Variants in PPP2R3A observed in about 807,000 individuals in gnomAD.
PPP2R3A encodes the protein serine/threonine-protein phosphatase 2A regulatory subunit B'' subunit alpha.
Under a neutral mutation model 106.9 loss-of-function variants are expected in PPP2R3A, and 80 were observed. The observed-to-expected ratio is 0.75, with a 90% CI of 0.62 to 0.90. The LOEUF (loss-of-function observed/expected upper bound fraction) is 0.90. PPP2R3A is among the 40% of genes least tolerant of loss of function. The pLI, the probability that PPP2R3A is intolerant of heterozygous loss-of-function variation, is 0.00. For synonymous variants in PPP2R3A, 483 were observed against 468.3 expected (o/e 1.03, Z -0.41); for missense variants, 1,386 against 1,350.4 (o/e 1.03, Z -0.41).
rs561076266 is a variant in PPP2R3A, at chr3:136,001,381, G to T, written c.-118G>T. 87 of 898,942 alleles carry T rather than the reference G, an allele frequency of 9.7e-5. No individual in the cohort carries two copies. The Admixed American group carries it at 1.8e-3, about 18-fold the overall frequency. The allele number at this position is 898,942 out of a possible 1,614,324, so 55.7% of individuals were successfully genotyped here. A position where few individuals can be genotyped will look rare whatever the true frequency, so the allele number is the denominator to read the frequency against. ...CTTCATGGGAAAAGCCATTATATTTGGAAGAAACCACTGAACATTGTTATT... is the reference window on the plus strand; with the variant it reads ...CTTCATGGGAAAAGCCATTATATTTTGAAGAAACCACTGAACATTGTTATT... On this transcript the variant is annotated 5_prime_UTR_variant, in exon 2 of 14. An upstream open reading frame in the 5' UTR gains an earlier in-frame stop. Transcript: ENST00000264977.
At chr3:136,080,447 AG>A (rs1006598305) in intron 7 of PPP2R3A, among the ~76,000 whole-genome samples, 1 of 152,216 alleles carries the variant, frequency 6.6e-6, no homozygotes, top group African/African-American at 2.4e-5. Flanking sequence ...CCCTCCAAAA[AG>A]CCTGCACTAC....
In PPP2R3A at chr3:136,026,995, A is replaced by G; in HGVS notation, c.2159A>G (p.Asp720Gly). ...TTCTACTTTCCTGAAGGACTCCCAG[A>G]TACCTGTAGTAATCATGAACAAACT... ...PRFYFPEGLP[D>G]TCSNHEQTLS... is the part of the protein sequence containing the mutation. Residue 720 changes from aspartate to glycine, a missense_variant, in exon 3 of 14, where the codon GAT becomes GGT. Transcript: ENST00000264977. The G allele has an allele frequency of 6.2e-7, 1 of 1,612,918 alleles. No homozygotes were observed. Among genetic ancestry groups the G allele is most frequent in the Non-Finnish European group, 8.5e-7 (1 of 1,178,920 alleles).
chr3:136,046,128 G>T (rs1385172980), intron 4 of PPP2R3A, among the ~76,000 whole-genome samples: 2 of 151,888 alleles, frequency 1.3e-5, no homozygotes, highest in Non-Finnish European at 2.9e-5. Flanking sequence ...AGTGAGCTGT[G>T]TTCACGCCAT....
intron 1 of PPP2R3A, among the ~76,000 whole-genome samples, chr3:135,989,488 GT>G (rs1245064412): frequency 2.6e-5 from 4 of 151,314 alleles, no homozygotes; most frequent in South Asian, 2.1e-4. Flanking sequence ...CATTTATAGT[GT>G]GTGTTGGGTT....
At chr3:136,058,640 A>C (rs1335691592) in intron 5 of PPP2R3A, among the ~76,000 whole-genome samples, 2 of 152,196 alleles carry the variant, frequency 1.3e-5, no homozygotes, top group Non-Finnish European at 2.9e-5. Context: ...TCTTTACAGA[A>C]ATAGGAAATA....
chr3:135,974,826 G>A (rs1937366956), intron 1 of PPP2R3A, among the ~76,000 whole-genome samples: 1 of 152,204 alleles, frequency 6.6e-6, no homozygotes, highest in African/African-American at 2.4e-5. Context: ...AAAGCAGCTT[G>A]AAAACTGCTT....
chr3:136,037,106 A>G (rs1369345187), intron 3 of PPP2R3A, among the ~76,000 whole-genome samples: 1 of 152,208 alleles, frequency 6.6e-6, no homozygotes, highest in Non-Finnish European at 1.5e-5. Flanking sequence ...TATTTGGAAG[A>G]CCAGCTTGAG....
In PPP2R3A at chr3:136,001,520, G is replaced by A. The variant is rs1559860876; in HGVS notation, c.22G>A (p.Val8Met). Residue 8 changes from valine (V) to methionine (M), a missense_variant, in exon 2 of 14, where the codon GTG becomes ATG. Transcript: ENST00000264977. Reference protein sequence around the residue: MAATYRLVVSTVNHYSSV... With the variant: MAATYRLMVSTVNHYSSV... ...TATTATGGCAGCAACTTACAGACTT[G>A]TGGTTAGTACTGTGAACCACTACAG... is the stretch of plus-strand genomic sequence containing the variant. 5 of 1,613,406 alleles carry A rather than the reference G, an allele frequency of 3.1e-6. No individual in the cohort carries two copies. The highest frequency in any genetic ancestry group is 3.4e-6 in the Non-Finnish European group (4 of 1,179,602).
At position 136,122,039 on chromosome 3, in the gene PPP2R3A, T is replaced by C. The variant is rs139293225; in HGVS notation, c.3329+15717T>C. On this transcript the variant is annotated intron_variant, in intron 13 of 13. Coordinates refer to ENST00000264977, the MANE Select transcript of PPP2R3A (RefSeq NM_002718.5). ...AAAATCAAAAAAATACAAATTACGA[T>C]CTTTTTAGAACCAGACAATGAAAGT... Among the ~76,000 whole-genome samples, 313 of 152,280 alleles carry C rather than the reference T, an allele frequency of 2.1e-3. 2 individuals are homozygous for C. The highest frequency in any genetic ancestry group is 7.1e-3 in the African/African-American group (296 of 41,568).
chr3:136,086,542 T>C (rs576992173), intron 8 of PPP2R3A, among the ~76,000 whole-genome samples: 5 of 152,158 alleles, frequency 3.3e-5, no homozygotes, highest in Non-Finnish European at 7.3e-5. Context: ...TAGAATAACA[T>C]GATCTTCAAT....
At chr3:136,102,874 T>C (rs985720014) in intron 11 of PPP2R3A, among the ~76,000 whole-genome samples, 2 of 152,094 alleles carry the variant, frequency 1.3e-5, no homozygotes, top group Non-Finnish European at 2.9e-5. Context: ...AAGAAGATTT[T>C]TCCTTAGACA....
At chr3:136,135,055 G>GT (rs1466152500) in intron 13 of PPP2R3A, among the ~76,000 whole-genome samples, 1 of 152,120 alleles carries the variant, frequency 6.6e-6, no homozygotes, top group Non-Finnish European at 1.5e-5. Context: ...TCAAGCGAAA[G>GT]TTTTTTTCAA....
intron 12 of PPP2R3A, among the ~76,000 whole-genome samples, chr3:136,104,901 T>C (rs985950260): frequency 2.6e-5 from 4 of 152,232 alleles, no homozygotes; most frequent in African/African-American, 9.6e-5. Context: ...ACTTATTTTC[T>C]TTGTGTTACC....
chr3:136,110,091 TCTCATTCTGTCCCCAA>T (rs1937571552), intron 13 of PPP2R3A, among the ~76,000 whole-genome samples: 1 of 152,016 alleles, frequency 6.6e-6, no homozygotes, highest in Non-Finnish European at 1.5e-5. Context: ...TCACATCCCA[TCTCATTCTGTCCCCAA>T]CTCATATCCC....
In PPP2R3A at chr3:136,076,001, C is replaced by T. The variant is rs550246139; in HGVS notation, c.2545-2366C>T. On this transcript the variant is annotated intron_variant, in intron 6 of 13. Coordinates refer to ENST00000264977, the MANE Select transcript of PPP2R3A (RefSeq NM_002718.5). ...TATTGAGTAAGACATGTTCTCTGTCCTCAGTGACCTCAGAGTCTGAGTGGT... is the reference window on the plus strand; with the variant it reads ...TATTGAGTAAGACATGTTCTCTGTCTTCAGTGACCTCAGAGTCTGAGTGGT... 3.9e-5 allele frequency among the ~76,000 whole-genome samples: 6 copies of T among 152,276 alleles called. No homozygotes were observed. The South Asian group carries it at 1.2e-3, about 32-fold the overall frequency.
intron 10 of PPP2R3A, among the ~76,000 whole-genome samples, chr3:136,099,235 A>T (rs1223971493): frequency 6.6e-6 from 1 of 152,166 alleles, no homozygotes; most frequent in Non-Finnish European, 1.5e-5. Context: ...AGAGTCAACA[A>T]ACCCACAGAT....
intron 2 of PPP2R3A, among the ~76,000 whole-genome samples, chr3:136,004,073 C>T (rs982577786): frequency 3.3e-5 from 5 of 152,184 alleles, no homozygotes; most frequent in African/African-American, 1.2e-4. Context: ...ATTGTCATAA[C>T]AGTAGGCCTT....
At chr3:136,026,030 C>G (rs13316798) in intron 2 of PPP2R3A, among the ~76,000 whole-genome samples, 30,069 of 152,014 alleles carry the variant, frequency 0.2, 3,847 homozygotes, top group East Asian at 0.52. Flanking sequence ...CGTTGCCTCC[C>G]TGCCACTCTT....
chr3:135,984,804 A>G (rs1937584115), intron 1 of PPP2R3A, among the ~76,000 whole-genome samples: 1 of 152,178 alleles, frequency 6.6e-6, no homozygotes, highest in African/African-American at 2.4e-5. Context: ...TTTACAAAAG[A>G]AAGAGGTTTT....
Sources: allele counts gnomAD v4.1 joint callset (sites outside exome capture counted in the v4.1 genomes callset), GRCh38; gene constraint gnomAD v4.1.1; transcripts MANE v1.5; gene names NCBI Gene and HGNC (gene_info 2026-07-23, HGNC 2026-07-21).